The following HMGCLL1 variants were observed in gnomAD, a reference collection of about 807,000 sequenced individuals.
The protein encoded by HMGCLL1 is 3-hydroxymethyl-3-methylglutaryl-CoA lyase, cytoplasmic.
Under a neutral mutation model 39.1 loss-of-function variants are expected in HMGCLL1, and 36 were observed. That is an observed-to-expected ratio of 0.92 (90% CI 0.71 to 1.22). The LOEUF (loss-of-function observed/expected upper bound fraction) is 1.22. HMGCLL1 is among the 50% of genes most tolerant of loss of function. HMGCLL1 has a pLI of 0.00. For missense variants in HMGCLL1, 451 were observed against 416.5 expected (o/e 1.08, Z -0.72); for synonymous variants, 149 against 144.0 (o/e 1.03, Z -0.25).
chr6:55,502,149 G>T (rs1376948550), intron 5 of HMGCLL1, among the ~76,000 whole-genome samples: 3 of 151,746 alleles, frequency 2.0e-5, no homozygotes, highest in African/African-American at 7.3e-5. Context: ...TCATTCTTGA[G>T]CAATAGTTTG....
the HMGCLL1 span, among the ~76,000 whole-genome samples, chr6:55,594,855 G>C: frequency 6.6e-6 from 1 of 152,106 alleles, no homozygotes; most frequent in African/African-American, 2.4e-5. Flanking sequence ...TTATAGCTCA[G>C]ATATACATGA....
At chr6:55,661,942 C>G in the HMGCLL1 span, among the ~76,000 whole-genome samples, 2 of 151,654 alleles carry the variant, frequency 1.3e-5, no homozygotes, top group African/African-American at 4.8e-5. Context: ...CCCTGATTAG[C>G]TGCATTCGTA....
the HMGCLL1 span, among the ~76,000 whole-genome samples, chr6:55,637,724 GTGTGTGTGTGTGTGTA>G: frequency 6.6e-6 from 1 of 151,328 alleles, no homozygotes; most frequent in East Asian, 1.9e-4. Flanking sequence ...ATGTGTGTGT[GTGTGTGTGTGTGTGTA>G]TGTGTCTGTG....
the HMGCLL1 span, among the ~76,000 whole-genome samples, chr6:55,598,633 C>G: frequency 1.3e-5 from 2 of 152,120 alleles, no homozygotes; most frequent in Non-Finnish European, 2.9e-5. Context: ...TCACAAGTAC[C>G]GTTCTCTGTT....
chr6:55,647,745 C>CTTTTTTT, the HMGCLL1 span, among the ~76,000 whole-genome samples: 16 of 115,846 alleles, frequency 1.4e-4, no homozygotes, highest in African/African-American at 3.1e-4. Flanking sequence ...TTTTTTTTTC[C>CTTTTTTT]TTTTTTTTTT....
At chr6:55,555,472 A>G (rs1017636481) in intron 1 of HMGCLL1, among the ~76,000 whole-genome samples, 2 of 152,188 alleles carry the variant, frequency 1.3e-5, no homozygotes, top group Admixed American at 1.3e-4. Flanking sequence ...TATTTCCTGT[A>G]TCTTCTCTTC....
chr6:55,671,947 C>T, the HMGCLL1 span, among the ~76,000 whole-genome samples: 1 of 151,580 alleles, frequency 6.6e-6, no homozygotes, highest in African/African-American at 2.4e-5. Flanking sequence ...TGCTAGCCTA[C>T]AGGGTATGTG....
intron 6 of HMGCLL1, among the ~76,000 whole-genome samples, chr6:55,497,469 T>C (rs1488768836): frequency 6.6e-6 from 1 of 152,170 alleles, no homozygotes; most frequent in Non-Finnish European, 1.5e-5. Context: ...ATACCTATTT[T>C]ATGGCAGGTG....
the HMGCLL1 span, among the ~76,000 whole-genome samples, chr6:55,588,892 T>G: frequency 2.0e-5 from 3 of 152,044 alleles, no homozygotes; most frequent in African/African-American, 7.2e-5. Flanking sequence ...AATAACAGGC[T>G]CTCAAATTGA....
At position 55,477,527 on chromosome 6, in the gene HMGCLL1, T is replaced by TA. The variant is rs1176424309; in HGVS notation, c.795+17891dup. ...TATATTATATATGTAATTACATATA[T>TA]ATATAATATATATAAATAAATGATG... On this transcript the variant is annotated intron_variant, in intron 7 of 8. Transcript: ENST00000274901. Among the ~76,000 whole-genome samples, 33 of 86,460 alleles carry TA rather than the reference T, an allele frequency of 3.8e-4. 3 individuals are homozygous for TA. The highest frequency in any genetic ancestry group is 1.9e-4 in the Non-Finnish European group (8 of 42,934). 56.7% of individuals were successfully genotyped at this position (86,460 alleles called of 152,430 possible).
chr6:55,621,735 A>T, the HMGCLL1 span, among the ~76,000 whole-genome samples: 1 of 152,072 alleles, frequency 6.6e-6, no homozygotes, highest in Non-Finnish European at 1.5e-5. Context: ...CAATAAATGT[A>T]CTGTTCTTTA....
chr6:55,515,064 C>A (rs1428785377), intron 4 of HMGCLL1, among the ~76,000 whole-genome samples: 1 of 152,016 alleles, frequency 6.6e-6, no homozygotes, highest in African/African-American at 2.4e-5. Flanking sequence ...ACCATCCTGG[C>A]CAACATGGTG....
chr6:55,436,725 T>A (rs760247859), intron 8 of HMGCLL1, among the ~76,000 whole-genome samples: 9 of 152,040 alleles, frequency 5.9e-5, no homozygotes, highest in African/African-American at 2.2e-4. Flanking sequence ...TAAAAACTCA[T>A]AGGGGCTTTT....
At chr6:55,494,691 T>G (rs1766486865) in intron 7 of HMGCLL1, among the ~76,000 whole-genome samples, 2 of 152,198 alleles carry the variant, frequency 1.3e-5, no homozygotes, top group Admixed American at 6.5e-5. Flanking sequence ...TTATATAGTC[T>G]TATCTCTGAT....
At chr6:55,542,165 G>C (rs753945050) in intron 1 of HMGCLL1, 25 bp from the exon 2 acceptor site, 2 of 1,493,546 alleles carry the variant, frequency 1.3e-6, no homozygotes, top group South Asian at 1.2e-5. Context: ...GTAAGAACAA[G>C]ATAACGTAAC....
At chr6:55,487,480 T>C (rs1766091925) in intron 7 of HMGCLL1, among the ~76,000 whole-genome samples, 1 of 151,968 alleles carries the variant, frequency 6.6e-6, no homozygotes, top group African/African-American at 2.4e-5. Flanking sequence ...CGGTGTGTGA[T>C]GTTCCCCTTC....
chr6:55,602,352 A>G, the HMGCLL1 span, among the ~76,000 whole-genome samples: 3 of 152,106 alleles, frequency 2.0e-5, no homozygotes, highest in African/African-American at 7.2e-5. Context: ...AAGACAAAAA[A>G]TATAATACAA....
the HMGCLL1 span, among the ~76,000 whole-genome samples, chr6:55,594,180 A>C: frequency 6.6e-6 from 1 of 152,224 alleles, no homozygotes; most frequent in African/African-American, 2.4e-5. Flanking sequence ...TAATTATAAA[A>C]AAATTTGAAT....
intron 7 of HMGCLL1, among the ~76,000 whole-genome samples, chr6:55,471,865 C>A (rs1283503274): frequency 3.3e-5 from 5 of 151,568 alleles, no homozygotes; most frequent in African/African-American, 9.7e-5. Context: ...CCTGTGTAAA[C>A]ATCTATAACC....
Sources: gnomAD v4.1 joint callset for allele counts (sites outside exome capture counted in the v4.1 genomes callset) on GRCh38, gnomAD v4.1.1 for gene constraint, MANE v1.5 for transcripts, NCBI Gene and HGNC (gene_info 2026-07-23, HGNC 2026-07-21) for gene names.